Variants in MARCHF8 observed in about 807,000 individuals in gnomAD.
MARCHF8 encodes the protein E3 ubiquitin-protein ligase MARCHF8.
A neutral mutation model predicts 51.6 loss-of-function variants in MARCHF8; 40 were observed. The ratio of observed to expected loss-of-function variants is 0.77; its 90% CI spans 0.60 to 1.01. MARCHF8 has a LOEUF of 1.01. Ranked by LOEUF, MARCHF8 falls within the 50% of genes least tolerant of loss-of-function variation. The probability of loss-of-function intolerance (pLI) is 0.00; values close to 1 mark genes in which losing one functional copy is unlikely to be tolerated. For missense variants in MARCHF8, 685 were observed against 708.6 expected (o/e 0.97, Z 0.38); for synonymous variants, 263 against 280.3 (o/e 0.94, Z 0.62).
chr10:45,519,164 C>T (rs1159160609), intron 2 of MARCHF8, among the ~76,000 whole-genome samples: 2 of 152,176 alleles, frequency 1.3e-5, no homozygotes, highest in Non-Finnish European at 2.9e-5. Flanking sequence ...TTGAATATAT[C>T]TTCATTCAAG....
intron 2 of MARCHF8, among the ~76,000 whole-genome samples, chr10:45,489,805 G>A (rs1011107593): frequency 1.3e-5 from 2 of 152,178 alleles, no homozygotes; most frequent in Non-Finnish European, 2.9e-5. Flanking sequence ...TCAGTTGTAT[G>A]TGACACAGTC....
At chr10:45,527,637 C>G (rs1206906805) in intron 2 of MARCHF8, among the ~76,000 whole-genome samples, 1 of 151,978 alleles carries the variant, frequency 6.6e-6, no homozygotes, top group Non-Finnish European at 1.5e-5. Flanking sequence ...CTCCCAACAA[C>G]AAAAAACCCC....
Position 45,493,147 on chromosome 10 carries a change from G to A in MARCHF8, c.103-3730C>T, listed in dbSNP as rs77695895. On this transcript the variant is annotated intron_variant, in intron 2 of 7. Transcript: ENST00000453424. ...AAGCACATACATAAAGTATATCAAGGTGGAAGTGTGACACCACTCTGCCCT... is the reference window on the plus strand; with the variant it reads ...AAGCACATACATAAAGTATATCAAGATGGAAGTGTGACACCACTCTGCCCT... Among the ~76,000 whole-genome samples, 189 of 152,284 alleles carry A rather than the reference G, an allele frequency of 1.2e-3. 2 individuals are homozygous for A. Among genetic ancestry groups the A allele is most frequent in the African/African-American group, 3.6e-3 (151 of 41,544 alleles).
At chr10:45,478,749 C>T (rs1186254288) in intron 3 of MARCHF8, among the ~76,000 whole-genome samples, 1 of 152,098 alleles carries the variant, frequency 6.6e-6, no homozygotes, top group Admixed American at 6.6e-5. Context: ...GAACTACATG[C>T]TATCAAACTG....
intron 3 of MARCHF8, among the ~76,000 whole-genome samples, chr10:45,482,799 G>A (rs575460866): frequency 6.6e-6 from 1 of 152,134 alleles, no homozygotes; most frequent in African/African-American, 2.4e-5. Context: ...CAGATACACA[G>A]AACAATAGAA....
intron 2 of MARCHF8, among the ~76,000 whole-genome samples, chr10:45,509,167 C>T (rs2043445948): frequency 6.6e-6 from 1 of 152,146 alleles, no homozygotes; most frequent in South Asian, 2.1e-4. Flanking sequence ...GTCAGAATTT[C>T]CAGGACTCTT....
intron 2 of MARCHF8, among the ~76,000 whole-genome samples, chr10:45,521,572 T>C (rs540778690): frequency 6.6e-6 from 1 of 152,032 alleles, no homozygotes; most frequent in South Asian, 2.1e-4. Flanking sequence ...CTCCCAGACA[T>C]GGTGCAAACC....
At chr10:45,465,445 T>A (rs953831039) in intron 3 of MARCHF8, among the ~76,000 whole-genome samples, 1 of 152,182 alleles carries the variant, frequency 6.6e-6, no homozygotes, top group Non-Finnish European at 1.5e-5. Context: ...GGCTGAGGCC[T>A]AGTCCCCACT....
At chr10:45,494,458 G>A (rs1457953263) in intron 2 of MARCHF8, among the ~76,000 whole-genome samples, 1 of 152,056 alleles carries the variant, frequency 6.6e-6, no homozygotes, top group South Asian at 2.1e-4. Flanking sequence ...AAAATATGTG[G>A]GCAATGAACA....
rs2044600174 is a variant in MARCHF8 at position 45,584,749 on chromosome 10, T to C, written c.-79+9486A>G. On this transcript the variant is annotated intron_variant, in intron 1 of 6. Transcript: ENST00000319836. ...CATATGAGCCCTTAAAAGCAGAGAATGGTCTCCATCTAGAGAAGGAAAAAA... is the reference window on the plus strand; with the variant it reads ...CATATGAGCCCTTAAAAGCAGAGAACGGTCTCCATCTAGAGAAGGAAAAAA... 2.0e-5 allele frequency among the ~76,000 whole-genome samples: 3 copies of C among 152,164 alleles called. No individual in the cohort carries two copies. In the South Asian group the frequency reaches 6.2e-4, roughly 32 times the overall value.
intron 1 of MARCHF8, among the ~76,000 whole-genome samples, chr10:45,554,739 G>A (rs777740423): frequency 6.6e-6 from 1 of 152,132 alleles, no homozygotes; most frequent in Non-Finnish European, 1.5e-5. Flanking sequence ...GACCAAAATG[G>A]AGAATCCCAT....
chr10:45,458,170 T>C lies in MARCHF8; in HGVS notation c.*69A>G, dbSNP rs1039762880. On this transcript the variant is annotated 3_prime_UTR_variant, in exon 8 of 8. Transcript: ENST00000453424. ...GCTATTAAAGGACATAAGAAAGGTA[T>C]ACAATTGGCAGTAAACAATTTCCTT... The C allele has an allele frequency of 7.2e-5, 105 of 1,458,470 alleles. 1 individual carries two copies. The Admixed American group carries it at 2.1e-3, about 29-fold the overall frequency. 90.3% of individuals were successfully genotyped at this position (1,458,470 alleles called of 1,614,324 possible). A position where few individuals can be genotyped will look rare whatever the true frequency, so the allele number is the denominator to read the frequency against.
rs149318936 is a variant in MARCHF8 at position 45,505,811 on chromosome 10, A to G, written c.103-16394T>C. 5.7e-3 allele frequency among the ~76,000 whole-genome samples: 873 copies of G among 152,302 alleles called. 7 individuals are homozygous for G. Among genetic ancestry groups the G allele is most frequent in the Non-Finnish European group, 8.8e-3 (597 of 68,026 alleles). On this transcript the variant is annotated intron_variant, in intron 2 of 7. Coordinates refer to ENST00000453424, the MANE Select transcript of MARCHF8 (RefSeq NM_001282866.2). Reference sequence around the variant, plus strand: ...TTTGTTAGTTTTTTTCTGTTTGTCTATTTGTCTGTTCTCACCACGAATCAA... The same window carrying G: ...TTTGTTAGTTTTTTTCTGTTTGTCTGTTTGTCTGTTCTCACCACGAATCAA...
chr10:45,577,112 C>T (rs2044499338), intron 1 of MARCHF8, among the ~76,000 whole-genome samples: 1 of 151,860 alleles, frequency 6.6e-6, no homozygotes, highest in African/African-American at 2.4e-5. Context: ...GTGAAATAAG[C>T]CAGGCACAGA....
At chr10:45,593,024 T>G (rs550387914) in intron 1 of MARCHF8, among the ~76,000 whole-genome samples, 63 of 152,068 alleles carry the variant, frequency 4.1e-4, no homozygotes, top group Non-Finnish European at 4.1e-4. Flanking sequence ...TCAATCCAAT[T>G]TCCTCATTTT....
In MARCHF8 at chr10:45,489,724, T is replaced by A. The variant is rs4478948; in HGVS notation, c.103-307A>T. ...ATAAGATGGTAATAAGTGTCTTAAG[T>A]CACATTTCACGTGAAAGTTCAGATG... On this transcript the variant is annotated intron_variant, in intron 2 of 7. Coordinates refer to ENST00000453424, the MANE Select transcript of MARCHF8 (RefSeq NM_001282866.2). Among the ~76,000 whole-genome samples, 437 of 152,278 alleles carry A rather than the reference T, an allele frequency of 2.9e-3. 9 individuals are homozygous for A. The East Asian group carries it at 0.046, about 16-fold the overall frequency.
intron 2 of MARCHF8, among the ~76,000 whole-genome samples, chr10:45,516,953 G>A (rs1395507518): frequency 2.0e-5 from 3 of 152,182 alleles, no homozygotes; most frequent in African/African-American, 7.2e-5. Flanking sequence ...TATTCACTCT[G>A]CTAAAATATA....
chr10:45,520,838 A>G (rs906808084), intron 2 of MARCHF8, among the ~76,000 whole-genome samples: 7 of 152,230 alleles, frequency 4.6e-5, no homozygotes, highest in African/African-American at 9.6e-5. Context: ...TATAATTGGA[A>G]TATTTTCTAT....
intron 3 of MARCHF8, among the ~76,000 whole-genome samples, chr10:45,470,113 A>G (rs1353662370): frequency 6.6e-6 from 1 of 152,192 alleles, no homozygotes; most frequent in East Asian, 1.9e-4. Context: ...TGCCACCCAT[A>G]TAAGAGGTGT....
Sources: allele counts gnomAD v4.1 joint callset (sites outside exome capture counted in the v4.1 genomes callset), GRCh38; gene constraint gnomAD v4.1.1; transcripts MANE v1.5; gene names NCBI Gene and HGNC (gene_info 2026-07-23, HGNC 2026-07-21).